The following CRYBB1 variants were observed in gnomAD, a reference collection of about 807,000 sequenced individuals.
The protein encoded by CRYBB1 is crystallin beta B1.
Under a neutral mutation model 29.5 loss-of-function variants are expected in CRYBB1, and 16 were observed. The ratio of observed to expected loss-of-function variants is 0.54; its 90% CI spans 0.37 to 0.82. The LOEUF (loss-of-function observed/expected upper bound fraction) is 0.82. Among genes scored for constraint, CRYBB1 ranks in the 40% least tolerant of loss-of-function variants. The pLI is 0.00. For synonymous variants in CRYBB1, 127 were observed against 136.7 expected (o/e 0.93, Z 0.49); for missense variants, 300 against 350.5 (o/e 0.86, Z 1.15).
At chr22:26,608,111 A>T in intron 3 of CRYBB1, 90 bp from the exon 4 acceptor site, 1 of 1,604,270 alleles carries the variant, frequency 6.2e-7, no homozygotes, top group Non-Finnish European at 8.5e-7. Context: ...TCCCCTGGCA[A>T]GGCAGCCCTG....
At chr22:26,610,646 T>C (rs1281709056) in intron 3 of CRYBB1, among the ~76,000 whole-genome samples, 1 of 152,126 alleles carries the variant, frequency 6.6e-6, no homozygotes, top group Non-Finnish European at 1.5e-5. Context: ...CCAGGATAAG[T>C]TGGCTAAATT....
intron 3 of CRYBB1, among the ~76,000 whole-genome samples, chr22:26,608,266 G>T (rs559900613): frequency 6.6e-6 from 1 of 152,288 alleles, no homozygotes; most frequent in South Asian, 2.1e-4. Context: ...CTGTTTCCTT[G>T]GAGTTGGTGA....
chr22:26,609,174 C>T (rs1929079087), intron 3 of CRYBB1, among the ~76,000 whole-genome samples: 1 of 152,208 alleles, frequency 6.6e-6, no homozygotes, highest in African/African-American at 2.4e-5. Flanking sequence ...TGCTGGGACC[C>T]TGCTCTCCCC....
chr22:26,611,618 G>C (rs1929167693), intron 3 of CRYBB1, among the ~76,000 whole-genome samples: 2 of 152,004 alleles, frequency 1.3e-5, no homozygotes, highest in Admixed American at 1.3e-4. Context: ...GGGACTACAG[G>C]CGCCCGCCAC....
At chr22:26,606,306 C>T (rs975855690) in intron 4 of CRYBB1, among the ~76,000 whole-genome samples, 9 of 152,222 alleles carry the variant, frequency 5.9e-5, no homozygotes, top group African/African-American at 2.2e-4. Context: ...AACAAATATA[C>T]CTAAAATATT....
chr22:26,602,563 C>T (rs1928853396), intron 4 of CRYBB1, among the ~76,000 whole-genome samples: 1 of 151,218 alleles, frequency 6.6e-6, no homozygotes, highest in Middle Eastern at 3.4e-3. Context: ...TGCACTCCAG[C>T]CTGGGTGACA....
chr22:26,616,165 G>T lies in CRYBB1; in HGVS notation c.155C>A (p.Ala52Glu), dbSNP rs533765538. The T allele has an allele frequency of 2.3e-4, 378 of 1,614,172 alleles. 2 individuals carry two copies. The South Asian group carries it at 3.9e-3, about 17-fold the overall frequency. ...CCTGTAGTTCCCAGGAGGCAGTTCC[G>T]CCGCCTTGGCGCTGGTAATAGGCAC... ...TTVPITSAKAAELPPGNYRLV... is the reference protein window; with the variant it reads ...TTVPITSAKAEELPPGNYRLV... Residue 52 changes from alanine to glutamate, a missense_variant, in exon 2 of 6, where the codon GCG (alanine) becomes GAG (glutamate). Transcript: ENST00000647684.
At chr22:26,613,646 A>C (rs988080357) in intron 2 of CRYBB1, among the ~76,000 whole-genome samples, 2 of 152,284 alleles carry the variant, frequency 1.3e-5, no homozygotes, top group African/African-American at 4.8e-5. Flanking sequence ...TCAGCTGAGG[A>C]GGATGTATGT....
Position 26,616,175 on chromosome 22 carries a change from C to T in CRYBB1, c.145G>A (p.Ala49Thr), listed in dbSNP as rs745344701. The T allele has an allele frequency of 5.6e-6, 9 of 1,614,082 alleles. No homozygotes were observed. Among genetic ancestry groups the T allele is most frequent in the East Asian group, 4.5e-5 (2 of 44,884 alleles). The change falls in exon 2 of 6, where the codon GCC becomes ACC. Residue 49 changes from alanine (A) to threonine (T), a missense_variant. By Grantham distance (58) the Ala-to-Thr change is moderately conservative. Coordinates refer to ENST00000647684, the MANE Select transcript of CRYBB1 (RefSeq NM_001887.4). Reference sequence around the variant, plus strand: ...CCAGGAGGCAGTTCCGCCGCCTTGGCGCTGGTAATAGGCACGGTTGTTGGG... The same window carrying T: ...CCAGGAGGCAGTTCCGCCGCCTTGGTGCTGGTAATAGGCACGGTTGTTGGG... ...LAPTTVPITSAKAAELPPGNY... is the reference protein window; with the variant it reads ...LAPTTVPITSTKAAELPPGNY...
rs779595106 is a variant in CRYBB1, at chr22:26,599,644, C to A, written c.605G>T (p.Arg202Leu). The change falls in exon 6 of 6, where the codon CGC becomes CTC. Residue 202 changes from arginine (R) to leucine (L), a missense_variant. Coordinates refer to ENST00000647684, the MANE Select transcript of CRYBB1 (RefSeq NM_001887.4). ...TWVGYQYPGY[R>L]GYQYLLEPGD... The stretch of plus-strand genomic sequence containing the variant: ...AGGCTCTAGGAGGTACTGGTACCCG[C>A]GGTAGCCAGGATACTGATAGCCAAC... The A allele has an allele frequency of 5.0e-6, 8 of 1,614,012 alleles. No homozygotes were observed. The African/African-American group carries it at 9.3e-5, about 19-fold the overall frequency.
At chr22:26,614,192 G>A (rs969770803) in intron 2 of CRYBB1, among the ~76,000 whole-genome samples, 2 of 152,136 alleles carry the variant, frequency 1.3e-5, no homozygotes, top group African/African-American at 2.4e-5. Flanking sequence ...CACTTGCCCT[G>A]TGATATTCTA....
chr22:26,602,140 C>T lies in CRYBB1; in HGVS notation c.433-119G>A, dbSNP rs1263459560. On this transcript the variant is annotated intron_variant, in intron 4 of 5. Coordinates refer to ENST00000647684, the MANE Select transcript of CRYBB1 (RefSeq NM_001887.4). Reference sequence around the variant, plus strand: ...TGAGCCTGTTCAGGCTGCTGGGGGACTCTCCAGGGACCACTGCTGTCTAGT... The same window carrying T: ...TGAGCCTGTTCAGGCTGCTGGGGGATTCTCCAGGGACCACTGCTGTCTAGT... 4.6e-6 allele frequency: 6 copies of T among 1,290,884 alleles called. No homozygotes were observed. The East Asian group carries it at 1.2e-4, about 26-fold the overall frequency. 80.0% of individuals were successfully genotyped at this position (1,290,884 alleles called of 1,614,324 possible). A position where few individuals can be genotyped will look rare whatever the true frequency, so the allele number is the denominator to read the frequency against.
In CRYBB1 at chr22:26,605,342, A is replaced by C. The variant is rs75428962; in HGVS notation, c.432+2547T>G. Among the ~76,000 whole-genome samples the C allele has an allele frequency of 2.2e-3, 340 of 152,258 alleles. 1 individual carries two copies. The highest frequency in any genetic ancestry group is 7.4e-3 in the African/African-American group (309 of 41,538). The stretch of plus-strand genomic sequence containing the variant: ...CAGGGACCTAGTCTGTTTGATGCAC[A>C]GTTTTGCACTCAGAGCCTAGAACCA... On this transcript the variant is annotated intron_variant, in intron 4 of 5. Coordinates refer to ENST00000647684, the MANE Select transcript of CRYBB1 (RefSeq NM_001887.4).
chr22:26,610,564 G>C (rs1320678563), intron 3 of CRYBB1, among the ~76,000 whole-genome samples: 1 of 152,178 alleles, frequency 6.6e-6, no homozygotes, highest in Admixed American at 6.5e-5. Flanking sequence ...TGGGTTTTGG[G>C]GCTGAGGGTG....
chr22:26,601,797 G>C, intron 5 of CRYBB1, 82 bp downstream of exon 5: 1 of 1,601,624 alleles, frequency 6.2e-7, no homozygotes. Flanking sequence ...GGAATCTGAT[G>C]TTATAACCTG....
intron 2 of CRYBB1, among the ~76,000 whole-genome samples, chr22:26,614,063 C>T (rs1052245541): frequency 2.0e-5 from 3 of 152,238 alleles, no homozygotes; most frequent in Non-Finnish European, 2.9e-5. Context: ...TTGGCCAGAC[C>T]GGTTGATCTC....
chr22:26,607,785 T>TCCCTA (rs1929028347), intron 4 of CRYBB1, 104 bp downstream of exon 4: 8 of 1,540,258 alleles, frequency 5.2e-6, no homozygotes, highest in Non-Finnish European at 7.1e-6. Flanking sequence ...CTGCCACGCC[T>TCCCTA]CCCTACCCAC....
chr22:26,602,377 G>C lies in CRYBB1; in HGVS notation c.433-356C>G, dbSNP rs933711946. ...GGTGGGAGGACTGCTTGAGGCCAAG[G>C]GTTCAAGACCAGCCTGGGCAACATA... On this transcript the variant is annotated intron_variant, in intron 4 of 5. Coordinates refer to ENST00000647684, the MANE Select transcript of CRYBB1 (RefSeq NM_001887.4). Among the ~76,000 whole-genome samples the C allele has an allele frequency of 3.9e-5, 6 of 151,970 alleles. No individual in the cohort carries two copies. The East Asian group carries it at 1.2e-3, about 29-fold the overall frequency.
At chr22:26,614,190 C>T (rs1266612952) in intron 2 of CRYBB1, among the ~76,000 whole-genome samples, 2 of 152,184 alleles carry the variant, frequency 1.3e-5, no homozygotes, top group African/African-American at 2.4e-5. Flanking sequence ...TCCACTTGCC[C>T]TGTGATATTC....
Sources: allele counts gnomAD v4.1 joint callset (sites outside exome capture counted in the v4.1 genomes callset), GRCh38; gene constraint gnomAD v4.1.1; transcripts MANE v1.5; gene names NCBI Gene and HGNC (gene_info 2026-07-23, HGNC 2026-07-21).